The following DOCK10 variants were observed in gnomAD, a reference collection of about 807,000 sequenced individuals.
The protein encoded by DOCK10 is dedicator of cytokinesis protein 10.
Under a neutral mutation model 280.1 loss-of-function variants are expected in DOCK10, and 145 were observed. That is an observed-to-expected ratio of 0.52 (90% CI 0.45 to 0.59). The LOEUF (loss-of-function observed/expected upper bound fraction) is 0.59, where lower values mean the gene tolerates loss of function less well. Ranked by LOEUF, DOCK10 falls within the 20% of genes least tolerant of loss-of-function variation. DOCK10 has a pLI of 0.00. For missense variants in DOCK10, 2,368 were observed against 2,651.7 expected (o/e 0.89, Z 2.35); for synonymous variants, 915 against 942.2 (o/e 0.97, Z 0.53).
chr2:225,021,249 A>T (rs1689777011), intron 1 of DOCK10, among the ~76,000 whole-genome samples: 1 of 152,232 alleles, frequency 6.6e-6, no homozygotes, highest in Non-Finnish European at 1.5e-5. Flanking sequence ...AGAACCCAGT[A>T]TATTGGGTGT....
intron 1 of DOCK10, among the ~76,000 whole-genome samples, chr2:225,026,244 G>C (rs1358139036): frequency 2.6e-5 from 4 of 152,212 alleles, no homozygotes; most frequent in Non-Finnish European, 5.9e-5. Flanking sequence ...CTGAAACCAA[G>C]TGAGATGTAA....
intron 1 of DOCK10, among the ~76,000 whole-genome samples, chr2:225,037,160 G>T (rs1690283459): frequency 1.3e-5 from 2 of 152,188 alleles, no homozygotes; most frequent in African/African-American, 4.8e-5. Flanking sequence ...GTAGACTGCA[G>T]GAGGATTAAC....
In DOCK10 at chr2:224,839,359, G is replaced by A. The variant is rs188988180; in HGVS notation, c.2780+595C>T. On this transcript the variant is annotated intron_variant, in intron 24 of 55. Coordinates refer to ENST00000258390, the MANE Select transcript of DOCK10 (RefSeq NM_014689.3). ...CCTGTCCTTGTGATCCACCGGCCTC[G>A]GCCTCCCAAAGTGCTGGGATGACAG... Among the ~76,000 whole-genome samples, 1,355 of 151,292 alleles carry A rather than the reference G, an allele frequency of 9.0e-3. 13 individuals are homozygous for A. The highest frequency in any genetic ancestry group is 0.016 in the Non-Finnish European group (1,065 of 67,920).
At chr2:224,765,925 T>A in intron 55 of DOCK10, 88 bp from the exon 56 acceptor site, 1 of 929,784 alleles carries the variant, frequency 1.1e-6, no homozygotes, top group African/African-American at 1.7e-5. Context: ...AATAGAGGTT[T>A]TCATTCCCCA....
intron 4 of DOCK10, among the ~76,000 whole-genome samples, chr2:224,893,869 C>T (rs978703623): frequency 1.3e-5 from 2 of 152,176 alleles, no homozygotes; most frequent in Non-Finnish European, 2.9e-5. Flanking sequence ...CTATTAGCCT[C>T]GGAAGACCCA....
chr2:224,824,916 T>A (rs1028352660), intron 27 of DOCK10, among the ~76,000 whole-genome samples: 2 of 152,010 alleles, frequency 1.3e-5, no homozygotes, highest in Non-Finnish European at 2.9e-5. Flanking sequence ...TTACAGGAGT[T>A]GTATGAAACA....
chr2:224,779,360 T>A (rs1691131220), intron 50 of DOCK10, among the ~76,000 whole-genome samples: 1 of 152,036 alleles, frequency 6.6e-6, no homozygotes, highest in Non-Finnish European at 1.5e-5. Flanking sequence ...GGACTGCAGA[T>A]GTGTACCACC....
In DOCK10 at chr2:224,917,590, T is replaced by G. The variant is rs187116347; in HGVS notation, c.244-806A>C. ...GAAGGAAGAAGGAGTGTTTAGTAAA[T>G]CTGAACCTTGAAAAAAATAGGTTGT... On this transcript the variant is annotated intron_variant, in intron 2 of 55. Transcript: ENST00000258390. Among the ~76,000 whole-genome samples, 555 of 152,290 alleles carry G rather than the reference T, an allele frequency of 3.6e-3. 9 individuals are homozygous for G. The highest frequency in any genetic ancestry group is 0.013 in the African/African-American group (530 of 41,552).
At chr2:224,889,432 T>C (rs1442273300) in intron 4 of DOCK10, among the ~76,000 whole-genome samples, 1 of 152,216 alleles carries the variant, frequency 6.6e-6, no homozygotes, top group Non-Finnish European at 1.5e-5. Flanking sequence ...TTTATTGTGA[T>C]AAAATAGACA....
In DOCK10 at chr2:224,951,776, C is replaced by T. The variant is rs569274035; in HGVS notation, c.124-20108G>A. Among the ~76,000 whole-genome samples the T allele has an allele frequency of 1.5e-4, 23 of 152,276 alleles. No homozygotes were observed. In the South Asian group the frequency reaches 4.8e-3, roughly 32 times the overall value. ...ACAGGGTGGTATCTCTTTCTGGAGG[C>T]TCCAGGGGAGAAGCTGTCTTCAGGC... On this transcript the variant is annotated intron_variant, in intron 1 of 55. Transcript: ENST00000258390.
chr2:225,035,572 A>G (rs1369585002), intron 1 of DOCK10, among the ~76,000 whole-genome samples: 1 of 69,956 alleles, frequency 1.4e-5, no homozygotes, highest in Non-Finnish European at 2.9e-5. Flanking sequence ...ATATATATAT[A>G]TATATATATA....
At chr2:224,802,626 GACTCATTCAACACCCCAT>G (rs1693092668) in intron 39 of DOCK10, among the ~76,000 whole-genome samples, 1 of 152,074 alleles carries the variant, frequency 6.6e-6, no homozygotes, top group African/African-American at 2.4e-5. Flanking sequence ...GGCCTGCAAT[GACTCATTCAACACCCCAT>G]AGCATTTCCA....
chr2:224,808,886 G>C (rs1574856598), intron 31 of DOCK10, among the ~76,000 whole-genome samples: 4 of 152,088 alleles, frequency 2.6e-5, no homozygotes, highest in Admixed American at 2.6e-4. Flanking sequence ...TGTAGCAATG[G>C]GGGAGGGAGG....
At chr2:224,841,058 G>A (rs1470403668) in intron 23 of DOCK10, among the ~76,000 whole-genome samples, 2 of 152,146 alleles carry the variant, frequency 1.3e-5, no homozygotes, top group Non-Finnish European at 2.9e-5. Context: ...ATCTAAAAAA[G>A]TTGAATTCAT....
chr2:224,990,285 C>T (rs965361956), intron 1 of DOCK10, among the ~76,000 whole-genome samples: 1 of 152,132 alleles, frequency 6.6e-6, no homozygotes. Context: ...CATACTAAAC[C>T]TTTCTTATTT....
At position 224,786,965 on chromosome 2, in the gene DOCK10, G is replaced by T. The variant is rs1691772850; in HGVS notation, c.5655+57C>A. On this transcript the variant is annotated intron_variant, in intron 50 of 55. Transcript: ENST00000258390. The surrounding 1 kb of genome is among the most constrained non-coding windows in gnomAD (Gnocchi z 4.7). ...CACAGATGTCTCATAAAGAATGAAA[G>T]ACAACATTCAACTGCTCAGCAGAAT... The T allele has an allele frequency of 7.8e-7, 1 of 1,275,614 alleles. No homozygotes were observed. Among genetic ancestry groups the T allele is most frequent in the Non-Finnish European group, 1.1e-6 (1 of 871,522 alleles). 79.0% of individuals were successfully genotyped at this position (1,275,614 alleles called of 1,614,324 possible).
intron 3 of DOCK10, among the ~76,000 whole-genome samples, chr2:224,906,668 A>T (rs895386031): frequency 2.0e-5 from 3 of 152,168 alleles, no homozygotes; most frequent in Admixed American, 6.5e-5. Context: ...TTTAGTAGAG[A>T]CAGGGTTTCA....
In DOCK10 at chr2:225,037,899, G is replaced by C. The variant is rs138738963; in HGVS notation, c.123+4353C>G. 1.6e-3 allele frequency among the ~76,000 whole-genome samples: 244 copies of C among 152,234 alleles called. 1 individual carries two copies. The highest frequency in any genetic ancestry group is 5.6e-3 in the African/African-American group (231 of 41,530). ...TCAAAGTTATTTCTCCAATGCCCTTGAGAAATAAAAAACATTGGCAGACAC... is the reference window on the plus strand; with the variant it reads ...TCAAAGTTATTTCTCCAATGCCCTTCAGAAATAAAAAACATTGGCAGACAC... On this transcript the variant is annotated intron_variant, in intron 1 of 55. Transcript: ENST00000258390.
chr2:224,966,567 T>C (rs1268394225), intron 1 of DOCK10, among the ~76,000 whole-genome samples: 1 of 152,176 alleles, frequency 6.6e-6, no homozygotes, highest in African/African-American at 2.4e-5. Flanking sequence ...AAGTCTTTAT[T>C]TCCTCCTTCT....
Sources: allele counts gnomAD v4.1 joint callset (sites outside exome capture counted in the v4.1 genomes callset), GRCh38; gene constraint gnomAD v4.1.1; non-coding constraint Gnocchi (gnomAD v3.1); transcripts MANE v1.5; gene names NCBI Gene and HGNC (gene_info 2026-07-23, HGNC 2026-07-21).